The following INTS2 variants were observed in gnomAD, a reference collection of about 807,000 sequenced individuals.
INTS2 encodes the protein KIAA1287.
In INTS2, 57 loss-of-function variants were observed where a neutral mutation model predicts 139.6. That is an observed-to-expected ratio of 0.41 (90% CI 0.33 to 0.51). INTS2 has a LOEUF of 0.51. INTS2 is among the 20% of genes least tolerant of loss of function. The pLI is 0.28. For missense variants in INTS2, 1,196 were observed against 1,436.7 expected (o/e 0.83, Z 2.71); for synonymous variants, 473 against 493.4 (o/e 0.96, Z 0.55).
Position 61,907,502 on chromosome 17 carries a change from CA to C in INTS2, c.1086del (p.Asn362LysfsTer8), listed in dbSNP as rs764481316. 1 of 1,601,742 alleles carries C rather than the reference CA, an allele frequency of 6.2e-7. No homozygotes were observed. The highest frequency in any genetic ancestry group is 1.1e-5 in the South Asian group (1 of 88,078). On this transcript the variant is annotated frameshift_variant, in exon 8 of 25. Transcript: ENST00000251334. LOFTEE classifies it high-confidence loss of function. ...VEEADVDMEP[N>X]VSVYSGLKEE... ...TCTTTCAGCCCCGAATACACAGACA[CA>C]TTGGGCTCCATATCCACATCAGCTT... is the stretch of plus-strand genomic sequence containing the variant.
chr17:61,875,129 C>T lies in INTS2; in HGVS notation c.2457-91G>A. On this transcript the variant is annotated intron_variant, in intron 18 of 24. Transcript: ENST00000251334. This position sits in a 1 kb window ranked among gnomAD's most constrained non-coding sequence, Gnocchi z 4.6. ...CCTTTCTATCTTAGAAAGTTATATT[C>T]AGTAAATAATTAGAAAATACATATG... The T allele has an allele frequency of 1.1e-6, 1 of 917,406 alleles. No individual in the cohort carries two copies. The highest frequency in any genetic ancestry group is 1.5e-6 in the Non-Finnish European group (1 of 661,970). The allele number at this position is 917,406 out of a possible 1,614,324, so 56.8% of individuals were successfully genotyped here. A position where few individuals can be genotyped will look rare whatever the true frequency, so the allele number is the denominator to read the frequency against.
chr17:61,922,511 C>CATATATATAT (rs60100593), intron 3 of INTS2, among the ~76,000 whole-genome samples: 3,449 of 72,044 alleles, frequency 0.048, 252 homozygotes, highest in Non-Finnish European at 0.066. Context: ...AACAAACAAA[C>CATATATATAT]ATATATATAT....
intron 5 of INTS2, among the ~76,000 whole-genome samples, chr17:61,915,744 T>C (rs1391612799): frequency 7.5e-6 from 1 of 132,516 alleles, no homozygotes; most frequent in Non-Finnish European, 1.6e-5. Context: ...GGCAGGAGAA[T>C]GGCTGAACCC....
rs925006693 is a variant in INTS2 at position 61,919,383 on chromosome 17, A to G, written c.649+17T>C. 4 of 1,289,330 alleles carry G rather than the reference A, an allele frequency of 3.1e-6. No individual in the cohort carries two copies. The highest frequency in any genetic ancestry group is 4.4e-6 in the Non-Finnish European group (4 of 902,652). The allele number at this position is 1,289,330 out of a possible 1,614,324, so 79.9% of individuals were successfully genotyped here. On this transcript the variant is annotated intron_variant, in intron 5 of 24. Transcript: ENST00000251334. ...CAAGCAAGTCTTTTCAATATACCAT[A>G]TTAGAATCATATTTACCTTCATTAA...
At chr17:61,894,490 T>C (rs927233599) in intron 12 of INTS2, among the ~76,000 whole-genome samples, 1 of 152,144 alleles carries the variant, frequency 6.6e-6, no homozygotes, top group Non-Finnish European at 1.5e-5. Context: ...CAGGAGTATA[T>C]GTGCATATGC....
chr17:61,892,196 C>T (rs555794639), intron 13 of INTS2, among the ~76,000 whole-genome samples: 6 of 152,102 alleles, frequency 3.9e-5, no homozygotes, highest in Admixed American at 6.6e-5. Context: ...ATTTTACTTG[C>T]TAAAAATATA....
chr17:61,867,726 C>T lies in INTS2; in HGVS notation c.3422G>A (p.Arg1141His), dbSNP rs762026014. ...QTRDIDPIIT[R>H]LQQIKEKPSG... ...TGGTTTCTCCTTTATTTGTTGAAGA[C>T]CTACAACATAAGGGAAAAAAAACAT... is the stretch of plus-strand genomic sequence containing the variant. Residue 1141 changes from arginine to histidine, a missense_variant and splice_region_variant, in exon 25 of 25, where the codon CGT becomes CAT. Arg to His is a conservative substitution (Grantham distance 29). This residue lies in a region of INTS2 where 1,129 missense variants were observed against 1,341.9 expected (regional missense o/e 0.84). Transcript: ENST00000251334. This position sits in a 1 kb window ranked among gnomAD's most constrained non-coding sequence, Gnocchi z 5.6. 2 of 1,583,740 alleles carry T rather than the reference C, an allele frequency of 1.3e-6. No individual in the cohort carries two copies. Among genetic ancestry groups the T allele is most frequent in the Non-Finnish European group, 1.7e-6 (2 of 1,165,736 alleles).
intron 9 of INTS2, among the ~76,000 whole-genome samples, chr17:61,898,675 G>C (rs9900418): frequency 0.011 from 1,733 of 152,192 alleles, 30 homozygotes; most frequent in African/African-American, 0.039. Flanking sequence ...GTGCAGCAGC[G>C]CAATCTCAGC....
chr17:61,870,126 A>G lies in INTS2; in HGVS notation c.2779-138T>C. ...ACATACACAAAGAGGTACTTCTAAGAGCAGAACTGAGCAATCTGTAGAGCA... is the reference window on the plus strand; with the variant it reads ...ACATACACAAAGAGGTACTTCTAAGGGCAGAACTGAGCAATCTGTAGAGCA... On this transcript the variant is annotated intron_variant, in intron 20 of 24. Transcript: ENST00000251334. The surrounding 1 kb of genome is among the most constrained non-coding windows in gnomAD (Gnocchi z 4.4). 1.3e-6 allele frequency: 1 copy of G among 765,376 alleles called. No homozygotes were observed. The allele number at this position is 765,376 out of a possible 1,614,324, so 47.4% of individuals were successfully genotyped here.
chr17:61,906,579 AT>A (rs1225632872), intron 8 of INTS2, among the ~76,000 whole-genome samples: 4 of 152,200 alleles, frequency 2.6e-5, no homozygotes, highest in Non-Finnish European at 1.5e-5. Flanking sequence ...GACCAGCATT[AT>A]TTAAATAAAC....
intron 15 of INTS2, among the ~76,000 whole-genome samples, chr17:61,887,123 C>T (rs1194331906): frequency 6.6e-6 from 1 of 152,100 alleles, no homozygotes; most frequent in Non-Finnish European, 1.5e-5. Flanking sequence ...AGTGTTCTCC[C>T]CTGTAAAATA....
chr17:61,904,869 T>C (rs2079444621), intron 8 of INTS2, among the ~76,000 whole-genome samples: 1 of 151,826 alleles, frequency 6.6e-6, no homozygotes, highest in African/African-American at 2.4e-5. Context: ...TAATAATCAA[T>C]GGTGAAAAGT....
At chr17:61,877,152 A>G (rs1472759708) in intron 18 of INTS2, among the ~76,000 whole-genome samples, 1 of 152,210 alleles carries the variant, frequency 6.6e-6, no homozygotes, top group African/African-American at 2.4e-5. Flanking sequence ...GTAGAAAGTC[A>G]ACAGATAATT....
In INTS2 at chr17:61,867,832, C is replaced by T; in HGVS notation, c.3421+1G>A. 4 of 1,583,808 alleles carry T rather than the reference C, an allele frequency of 2.5e-6. No homozygotes were observed. Among genetic ancestry groups the T allele is most frequent in the Non-Finnish European group, 3.4e-6 (4 of 1,169,106 alleles). ...ACCCTTGAAAATAAGTTACCACTTA[C>T]GTGTAATAATTGGATCAATGTCTCT... On this transcript the variant is annotated splice_donor_variant, in intron 24 of 24. Transcript: ENST00000251334. LOFTEE classifies it high-confidence loss of function. This position sits in a 1 kb window ranked among gnomAD's most constrained non-coding sequence, Gnocchi z 5.6.
Position 61,927,925 on chromosome 17 carries a change from C to A in INTS2, c.-290G>T. ...AAAAGCGGGAGACTTTTTCAACCTGCACCCAGCACCTTCATTCATCCCCAG... is the reference window on the plus strand; with the variant it reads ...AAAAGCGGGAGACTTTTTCAACCTGAACCCAGCACCTTCATTCATCCCCAG... On this transcript the variant is annotated 5_prime_UTR_variant, in exon 1 of 25. Transcript: ENST00000251334. 3 of 1,613,996 alleles carry A rather than the reference C, an allele frequency of 1.9e-6. No individual in the cohort carries two copies. The highest frequency in any genetic ancestry group is 2.5e-6 in the Non-Finnish European group (3 of 1,179,894).
At position 61,923,305 on chromosome 17, in the gene INTS2, G is replaced by A. The variant is rs146084179; in HGVS notation, c.433-1478C>T. Among the ~76,000 whole-genome samples, 120 of 150,686 alleles carry A rather than the reference G, an allele frequency of 8.0e-4. 1 individual carries two copies. In the East Asian group the frequency reaches 0.022, roughly 28 times the overall value. ...ATCCTGGCTAACACGGTGAAACCCC[G>A]TCTCTACTAAAAATACAAAAGATTA... On this transcript the variant is annotated intron_variant, in intron 3 of 24. Transcript: ENST00000251334.
At position 61,925,037 on chromosome 17, in the gene INTS2, G is replaced by A. The variant is rs370752436; in HGVS notation, c.356C>T (p.Thr119Met). 75 of 1,613,454 alleles carry A rather than the reference G, an allele frequency of 4.6e-5. No individual in the cohort carries two copies. Among genetic ancestry groups the A allele is most frequent in the African/African-American group, 8.0e-5 (6 of 74,894 alleles). Reference protein sequence around the residue: ...ILVSQLQHGLTLEFEHSDSPR... With the variant: ...ILVSQLQHGLMLEFEHSDSPR... The stretch of plus-strand genomic sequence containing the variant: ...TGAATCACTGTGTTCAAACTCTAAC[G>A]TCAGTCCATGCTGAAGCTGTGATAC... The change falls in exon 3 of 25, where the codon ACG (threonine) becomes ATG (methionine). Residue 119 changes from threonine (T) to methionine (M), a missense_variant. By Grantham distance (81) the Thr-to-Met change is moderately conservative. Transcript: ENST00000251334.
intron 4 of INTS2, among the ~76,000 whole-genome samples, chr17:61,920,507 T>G: frequency 6.1e-5 from 1 of 16,332 alleles, no homozygotes; most frequent in South Asian, 4.0e-3. Flanking sequence ...TTTTTTTTTT[T>G]TTAAGAAAAG....
chr17:61,878,196 G>A, intron 17 of INTS2, 108 bp from the exon 18 acceptor site: 1 of 671,932 alleles, frequency 1.5e-6, no homozygotes, highest in East Asian at 2.6e-5. Flanking sequence ...AAAACAATGT[G>A]GCTAAAAAGT....
Sources: gnomAD v4.1 joint callset for allele counts (sites outside exome capture counted in the v4.1 genomes callset) on GRCh38, gnomAD v4.1.1 for gene constraint, gnomAD v4.1.1 regional missense constraint, Gnocchi (gnomAD v3.1) non-coding constraint, MANE v1.5 for transcripts, NCBI Gene and HGNC (gene_info 2026-07-23, HGNC 2026-07-21) for gene names.